The following GRIK2 variants were observed in gnomAD, a reference collection of about 807,000 sequenced individuals.
The protein encoded by GRIK2 is glutamate receptor ionotropic, kainate 2.
A neutral mutation model predicts 100.3 loss-of-function variants in GRIK2; 32 were observed. The observed-to-expected ratio is 0.32, with a 90% confidence interval of 0.24 to 0.43. The LOEUF (loss-of-function observed/expected upper bound fraction) is 0.43, where lower values mean the gene tolerates loss of function less well. Ranked by LOEUF, GRIK2 falls within the 20% of genes least tolerant of loss-of-function variation. GRIK2 has a pLI of 1.00. For missense variants in GRIK2, 843 were observed against 1,114.9 expected, an observed-to-expected ratio of 0.76 and a Z score of 3.47; for synonymous variants, 417 against 389.4, an observed-to-expected ratio of 1.07 and a Z score of -0.83.
chr6:101,636,409 T>C (rs1450101295), intron 4 of GRIK2, among the ~76,000 whole-genome samples: 1 of 152,058 alleles, frequency 6.6e-6, no homozygotes, highest in Non-Finnish European at 1.5e-5. Context: ...AGATGACGGC[T>C]TGATGGGTGC....
At chr6:101,630,338 C>G (rs550037633) in intron 4 of GRIK2, among the ~76,000 whole-genome samples, 1 of 152,030 alleles carries the variant, frequency 6.6e-6, no homozygotes, top group Non-Finnish European at 1.5e-5. Context: ...CCAAACTGTA[C>G]AAGCATTCCT....
intron 2 of GRIK2, among the ~76,000 whole-genome samples, chr6:101,514,120 G>A (rs1308023520): frequency 6.6e-6 from 1 of 152,132 alleles, no homozygotes; most frequent in Non-Finnish European, 1.5e-5. Flanking sequence ...ATTATAAGAT[G>A]CATAGGTAGT....
At chr6:101,893,759 C>T (rs1246202709) in intron 12 of GRIK2, among the ~76,000 whole-genome samples, 2 of 151,656 alleles carry the variant, frequency 1.3e-5, no homozygotes, top group Non-Finnish European at 3.0e-5. Context: ...TCAACAATAT[C>T]TATTGGCTAC....
intron 10 of GRIK2, among the ~76,000 whole-genome samples, chr6:101,831,024 T>G (rs1449188544): frequency 6.6e-6 from 1 of 152,034 alleles, no homozygotes; most frequent in Non-Finnish European, 1.5e-5. Flanking sequence ...GATACCACAT[T>G]CTTGGTTGAC....
chr6:101,513,138 T>G (rs1213975842), intron 2 of GRIK2, among the ~76,000 whole-genome samples: 2 of 152,136 alleles, frequency 1.3e-5, no homozygotes, highest in African/African-American at 4.8e-5. Context: ...CTTGGTTTTA[T>G]ACACTTCAGA....
intron 14 of GRIK2, among the ~76,000 whole-genome samples, chr6:101,994,632 T>C (rs1305583737): frequency 6.6e-6 from 1 of 151,868 alleles, no homozygotes. Context: ...AAGGGGTTTG[T>C]GCAGGATTTC....
At chr6:101,637,104 T>C (rs190298178) in intron 4 of GRIK2, among the ~76,000 whole-genome samples, 98 of 152,252 alleles carry the variant, frequency 6.4e-4, no homozygotes, top group African/African-American at 2.3e-3. Context: ...TAAACTCCTT[T>C]TTCTTTTCCT....
intron 4 of GRIK2, among the ~76,000 whole-genome samples, chr6:101,659,286 T>A (rs1425778183): frequency 1.3e-5 from 2 of 152,200 alleles, no homozygotes; most frequent in African/African-American, 4.8e-5. Flanking sequence ...TCCTTACTGC[T>A]TGTTTTTTGT....
chr6:101,772,558 C>T (rs1000366904), intron 7 of GRIK2, among the ~76,000 whole-genome samples: 5 of 151,790 alleles, frequency 3.3e-5, no homozygotes, highest in Non-Finnish European at 7.4e-5. Context: ...AATGTTTATC[C>T]TCTAAAAGGA....
intron 2 of GRIK2, among the ~76,000 whole-genome samples, chr6:101,473,617 C>A (rs888062666): frequency 6.6e-5 from 10 of 151,808 alleles, no homozygotes; most frequent in African/African-American, 2.4e-4. Flanking sequence ...ATTATTTTTC[C>A]CACTTCTGAG....
intron 2 of GRIK2, among the ~76,000 whole-genome samples, chr6:101,616,530 C>T (rs1434911526): frequency 1.3e-5 from 2 of 151,566 alleles, no homozygotes; most frequent in Non-Finnish European, 3.0e-5. Context: ...TTAAGTATAT[C>T]TACCATAGTT....
At chr6:101,942,157 G>A (rs1359136539) in intron 14 of GRIK2, among the ~76,000 whole-genome samples, 1 of 152,102 alleles carries the variant, frequency 6.6e-6, no homozygotes, top group Non-Finnish European at 1.5e-5. Flanking sequence ...TTTCCTTGAT[G>A]TGATTTGGCT....
At chr6:101,906,204 A>G (rs1788208897) in intron 12 of GRIK2, among the ~76,000 whole-genome samples, 1 of 151,716 alleles carries the variant, frequency 6.6e-6, no homozygotes, top group Non-Finnish European at 1.5e-5. Context: ...ATGTGAGCCT[A>G]GAATATTGAA....
intron 11 of GRIK2, among the ~76,000 whole-genome samples, chr6:101,888,880 C>T (rs1786846729): frequency 6.6e-6 from 1 of 151,994 alleles, no homozygotes; most frequent in Non-Finnish European, 1.5e-5. Flanking sequence ...TTATTTCTTA[C>T]AATATATTAG....
intron 7 of GRIK2, among the ~76,000 whole-genome samples, chr6:101,756,351 A>G (rs1436669810): frequency 3.5e-5 from 3 of 86,538 alleles, no homozygotes; most frequent in African/African-American, 1.3e-4. Context: ...TGGATAATGT[A>G]TCTTAGAAAA....
chr6:101,511,967 A>G (rs1030188483), intron 2 of GRIK2, among the ~76,000 whole-genome samples: 1 of 151,952 alleles, frequency 6.6e-6, no homozygotes, highest in Non-Finnish European at 1.5e-5. Flanking sequence ...AACAGCATCT[A>G]AAAAGTTGGT....
intron 7 of GRIK2, among the ~76,000 whole-genome samples, chr6:101,773,445 A>G (rs994513921): frequency 6.8e-6 from 1 of 146,030 alleles, no homozygotes; most frequent in Non-Finnish European, 1.5e-5. Flanking sequence ...GTGCCATTGC[A>G]CTCCAGCCTG....
intron 7 of GRIK2, among the ~76,000 whole-genome samples, chr6:101,751,236 G>A (rs2128384550): frequency 6.6e-6 from 1 of 151,876 alleles, no homozygotes; most frequent in Admixed American, 6.6e-5. Context: ...ACCACACCTA[G>A]CTATTTTCTA....
At chr6:101,675,798 G>A (rs1477013136) in intron 4 of GRIK2, among the ~76,000 whole-genome samples, 1 of 152,024 alleles carries the variant, frequency 6.6e-6, no homozygotes, top group Non-Finnish European at 1.5e-5. Context: ...TTAATTTAAT[G>A]TTGTTAACTA....
Sources: gnomAD v4.1 joint callset for allele counts (sites outside exome capture counted in the v4.1 genomes callset) on GRCh38, gnomAD v4.1.1 for gene constraint, MANE v1.5 for transcripts, NCBI Gene and HGNC (gene_info 2026-07-23, HGNC 2026-07-21) for gene names.